Variants in CNOT10 observed in about 807,000 individuals in gnomAD.
CNOT10 encodes CCR4-NOT transcription complex subunit 10, also known as CCR4-NOT transcription complex, subunit 10.
CNOT10 carries 30 observed loss-of-function variants against 94.6 expected under a neutral mutation model. The observed-to-expected ratio is 0.32, with a 90% CI of 0.24 to 0.43. The LOEUF (loss-of-function observed/expected upper bound fraction) is 0.43. CNOT10 is among the 20% of genes least tolerant of loss of function. CNOT10 has a pLI of 1.00. For synonymous variants in CNOT10, 289 were observed against 301.6 expected (o/e 0.96, Z 0.43); for missense variants, 759 against 877.2 (o/e 0.87, Z 1.70).
rs558695371 is a variant in CNOT10, at chr3:32,771,705, C to T, written c.2080+1743C>T. Among the ~76,000 whole-genome samples, 5 of 152,156 alleles carry T rather than the reference C, an allele frequency of 3.3e-5. No individual in the cohort carries two copies. The East Asian group carries it at 9.7e-4, about 29-fold the overall frequency. On this transcript the variant is annotated intron_variant, in intron 18 of 18. Transcript: ENST00000328834. ...AGTTTTTGGTATCCTACAAATACTC[C>T]TTACAAGTTAAGCTTATCTCCTTTT...
At chr3:32,756,414 C>G (rs1700226440) in intron 13 of CNOT10, among the ~76,000 whole-genome samples, 1 of 152,202 alleles carries the variant, frequency 6.6e-6, no homozygotes, top group Non-Finnish European at 1.5e-5. Context: ...TGCTGCAAAT[C>G]TTACATGACT....
chr3:32,699,438 C>T (rs1460438654), intron 1 of CNOT10, among the ~76,000 whole-genome samples: 1 of 152,066 alleles, frequency 6.6e-6, no homozygotes, highest in Non-Finnish European at 1.5e-5. Flanking sequence ...TTTTAATTTA[C>T]AATTATTTAA....
intron 13 of CNOT10, among the ~76,000 whole-genome samples, chr3:32,742,543 G>A (rs1040042243): frequency 1.3e-5 from 2 of 151,912 alleles, no homozygotes; most frequent in East Asian, 1.9e-4. Flanking sequence ...CACCACACCC[G>A]GCTAATTTTT....
intron 3 of CNOT10, among the ~76,000 whole-genome samples, chr3:32,706,460 T>C (rs961066473): frequency 6.6e-6 from 1 of 152,254 alleles, no homozygotes; most frequent in East Asian, 1.9e-4. Flanking sequence ...TAGAAGTGTT[T>C]GTACTTGTGG....
chr3:32,728,766 A>G (rs1698799012), intron 10 of CNOT10, among the ~76,000 whole-genome samples: 1 of 152,156 alleles, frequency 6.6e-6, no homozygotes, highest in Non-Finnish European at 1.5e-5. Context: ...GGATACATGC[A>G]TCTGCTGGCG....
chr3:32,687,439 G>GTTTT (rs201119069), intron 1 of CNOT10, among the ~76,000 whole-genome samples: 2 of 51,320 alleles, frequency 3.9e-5, no homozygotes, highest in Non-Finnish European at 6.8e-5. Context: ...AGTCCTCACG[G>GTTTT]TTTTTTTTTT....
At chr3:32,720,867 T>TTCCTC in intron 8 of CNOT10, among the ~76,000 whole-genome samples, 1 of 89,934 alleles carries the variant, frequency 1.1e-5, no homozygotes, top group East Asian at 4.2e-4. Flanking sequence ...CTCCCTTCCC[T>TTCCTC]CCTTCCTTCT....
chr3:32,773,395 C>G (rs1041223372), intron 18 of CNOT10, 62 bp from the exon 19 acceptor site: 30 of 1,503,002 alleles, frequency 2.0e-5, no homozygotes, highest in Middle Eastern at 3.6e-4. Flanking sequence ...ATTTTCATGT[C>G]TTGCTTTGTG....
intron 1 of CNOT10, among the ~76,000 whole-genome samples, chr3:32,697,295 A>G (rs1185758380): frequency 2.0e-5 from 3 of 152,110 alleles, no homozygotes; most frequent in Non-Finnish European, 4.4e-5. Context: ...GGCCACATGA[A>G]CTACTCTACT....
chr3:32,733,055 C>G (rs1012820417), intron 10 of CNOT10, among the ~76,000 whole-genome samples: 4 of 152,056 alleles, frequency 2.6e-5, no homozygotes, highest in African/African-American at 7.2e-5. Context: ...TTCTTTTACA[C>G]TATTTTGGGC....
chr3:32,715,565 G>C (rs1289350389), intron 5 of CNOT10, among the ~76,000 whole-genome samples: 1 of 152,180 alleles, frequency 6.6e-6, no homozygotes, highest in African/African-American at 2.4e-5. Context: ...GTTTTAAGAA[G>C]TGGGTAGATC....
chr3:32,691,782 A>G (rs964945116), intron 1 of CNOT10, among the ~76,000 whole-genome samples: 9 of 152,198 alleles, frequency 5.9e-5, no homozygotes, highest in Admixed American at 4.6e-4. Context: ...CCAGCCAGGC[A>G]TGGCGCCTCA....
In CNOT10 at chr3:32,746,305, A is replaced by G. The variant is rs1037915700; in HGVS notation, c.1595+8815A>G. Among the ~76,000 whole-genome samples, 16 of 152,174 alleles carry G rather than the reference A, an allele frequency of 1.1e-4. 1 individual carries two copies. The highest frequency in any genetic ancestry group is 1.0e-3 in the Admixed American group (16 of 15,274). ...GGGTTGCAGGGGAGGTGGTTTCAGG[A>G]TGATTCAAAAACATTACATTTATTG... On this transcript the variant is annotated intron_variant, in intron 13 of 18. Transcript: ENST00000328834.
rs533553041 is a variant in CNOT10 at position 32,768,228 on chromosome 3, G to GA, written c.2005-1652dup. On this transcript the variant is annotated intron_variant, in intron 17 of 18. Transcript: ENST00000328834. ...AAAAAAGCTTCAGACTGTGGTCATT[G>GA]AAAAAAACAGTAAATAAAATGTGTT... Among the ~76,000 whole-genome samples the GA allele has an allele frequency of 4.2e-3, 644 of 152,148 alleles. 4 individuals carry two copies. The highest frequency in any genetic ancestry group is 0.015 in the African/African-American group (618 of 41,494).
chr3:32,713,294 GA>G lies in CNOT10; in HGVS notation c.501del (p.Ala168LeufsTer8). 1 of 1,600,316 alleles carries G rather than the reference GA, an allele frequency of 6.2e-7. No individual in the cohort carries two copies. Among genetic ancestry groups the G allele is most frequent in the Non-Finnish European group, 8.5e-7 (1 of 1,176,414 alleles). The stretch of plus-strand genomic sequence containing the variant: ...TGTATATATTAACCTACCAAGCTGA[GA>G]AAGCTTTGCATCTTCTTGCTGTCCT... ...DLYILTYQAE[K>X]ALHLLAVLEK... On this transcript the variant is annotated frameshift_variant, in exon 5 of 19. Coordinates refer to ENST00000328834, the MANE Select transcript of CNOT10 (RefSeq NM_015442.3). LOFTEE classifies it high-confidence loss of function.
intron 6 of CNOT10, among the ~76,000 whole-genome samples, 177 bp downstream of exon 6, chr3:32,716,488 A>T (rs1698126401): frequency 6.6e-6 from 1 of 152,210 alleles, no homozygotes; most frequent in Non-Finnish European, 1.5e-5. Context: ...TTTTCTTAAG[A>T]GGATAATATA....
At chr3:32,756,880 G>A (rs1279262144) in intron 13 of CNOT10, among the ~76,000 whole-genome samples, 3 of 151,730 alleles carry the variant, frequency 2.0e-5, no homozygotes, top group African/African-American at 7.3e-5. Context: ...AGGCCGAGGC[G>A]GGCAGATCAC....
intron 1 of CNOT10, among the ~76,000 whole-genome samples, chr3:32,698,882 T>C (rs953630694): frequency 3.3e-5 from 5 of 152,166 alleles, no homozygotes; most frequent in African/African-American, 1.2e-4. Context: ...ACCTCCTGTG[T>C]TCAAGCAATC....
At chr3:32,689,631 C>T (rs1216965143) in intron 1 of CNOT10, among the ~76,000 whole-genome samples, 1 of 152,140 alleles carries the variant, frequency 6.6e-6, no homozygotes, top group Non-Finnish European at 1.5e-5. Context: ...TAGTTGTGTT[C>T]TAGCTCTAGT....
Sources: gnomAD v4.1 joint callset for allele counts (sites outside exome capture counted in the v4.1 genomes callset) on GRCh38, gnomAD v4.1.1 for gene constraint, MANE v1.5 for transcripts, NCBI Gene and HGNC (gene_info 2026-07-23, HGNC 2026-07-21) for gene names.